DACH1: variants seen among roughly 807,000 people sequenced by gnomAD.
DACH1 encodes the protein dachshund family transcription factor 1, also known as dachshund homolog 1.
Under a neutral mutation model 54.2 loss-of-function variants are expected in DACH1, and 12 were observed. That is an observed-to-expected ratio of 0.22 (90% CI 0.14 to 0.36). The LOEUF (loss-of-function observed/expected upper bound fraction) is 0.36, where lower values mean the gene tolerates loss of function less well. DACH1 is among the 10% of genes least tolerant of loss of function. The pLI, the probability that DACH1 is intolerant of heterozygous loss-of-function variation, is 1.00. For synonymous variants in DACH1, 386 were observed against 366.2 expected (o/e 1.05, Z -0.62); for missense variants, 805 against 929.8 (o/e 0.87, Z 1.75).
Position 71,503,621 on chromosome 13 carries a change from A to G in DACH1, c.1571-14473T>C, listed in dbSNP as rs1383856851. Among the ~76,000 whole-genome samples, 4 of 152,362 alleles carry G rather than the reference A, an allele frequency of 2.6e-5. No individual in the cohort carries two copies. The East Asian group carries it at 7.7e-4, about 29-fold the overall frequency. On this transcript the variant is annotated intron_variant, in intron 6 of 10. Transcript: ENST00000613252. ...ACATTTGTGGCTGCCCTGTGCAGCAAAAGAGACTAAGTAAATGCATATAAC... is the reference window on the plus strand; with the variant it reads ...ACATTTGTGGCTGCCCTGTGCAGCAGAAGAGACTAAGTAAATGCATATAAC...
intron 6 of DACH1, among the ~76,000 whole-genome samples, chr13:71,489,874 C>T (rs2138205353): frequency 6.6e-6 from 1 of 151,960 alleles, no homozygotes; most frequent in East Asian, 1.9e-4. Context: ...TTTAAAAATC[C>T]CTTCAAAATA....
chr13:71,465,154 TC>T (rs1336746378), intron 10 of DACH1, among the ~76,000 whole-genome samples: 2 of 152,098 alleles, frequency 1.3e-5, no homozygotes, highest in African/African-American at 4.8e-5. Context: ...TATGTTTTTT[TC>T]TAAAGAAGAA....
intron 6 of DACH1, among the ~76,000 whole-genome samples, chr13:71,523,611 T>C (rs1881753257): frequency 6.6e-6 from 1 of 152,038 alleles, no homozygotes; most frequent in African/African-American, 2.4e-5. Context: ...GACACCCTCT[T>C]CCAAGTGATT....
At chr13:71,546,179 T>A (rs1482003215) in intron 6 of DACH1, among the ~76,000 whole-genome samples, 1 of 152,064 alleles carries the variant, frequency 6.6e-6, no homozygotes, top group Non-Finnish European at 1.5e-5. Context: ...AATCATCCTA[T>A]CAACTGTTTC....
intron 4 of DACH1, among the ~76,000 whole-genome samples, chr13:71,561,695 C>G (rs528074536): frequency 6.6e-6 from 1 of 152,188 alleles, no homozygotes; most frequent in Admixed American, 6.5e-5. Context: ...ATCTAATACA[C>G]TAGGTCTAAA....
intron 6 of DACH1, among the ~76,000 whole-genome samples, chr13:71,489,873 C>A (rs1488639502): frequency 6.6e-6 from 1 of 151,972 alleles, no homozygotes; most frequent in Non-Finnish European, 1.5e-5. Context: ...ATTTAAAAAT[C>A]CCTTCAAAAT....
At chr13:71,519,073 G>C (rs1881375439) in intron 6 of DACH1, among the ~76,000 whole-genome samples, 1 of 151,744 alleles carries the variant, frequency 6.6e-6, no homozygotes, top group Non-Finnish European at 1.5e-5. Context: ...CAGAAATTAT[G>C]TGTCCAATAA....
chr13:71,715,782 T>TA (rs912839233), intron 1 of DACH1, among the ~76,000 whole-genome samples: 14 of 150,680 alleles, frequency 9.3e-5, no homozygotes, highest in East Asian at 5.8e-4. Context: ...TTGTTTCTCC[T>TA]AAAAAAAAAT....
chr13:71,833,553 T>C (rs1238631226), intron 1 of DACH1, among the ~76,000 whole-genome samples: 1 of 151,994 alleles, frequency 6.6e-6, no homozygotes, highest in African/African-American at 2.4e-5. Context: ...AGTGATAATG[T>C]TGGAACTTAA....
chr13:71,619,387 G>T (rs190972002), intron 3 of DACH1, among the ~76,000 whole-genome samples: 2 of 151,924 alleles, frequency 1.3e-5, no homozygotes, highest in Admixed American at 1.3e-4. Context: ...ATTAGTAAAA[G>T]CAAAAAGCAA....
chr13:71,614,544 A>G (rs1875607482), intron 3 of DACH1, among the ~76,000 whole-genome samples: 1 of 152,186 alleles, frequency 6.6e-6, no homozygotes, highest in Admixed American at 6.5e-5. Flanking sequence ...GACATCATTA[A>G]TATAAAAATG....
chr13:71,693,891 G>T (rs377698437), intron 1 of DACH1, among the ~76,000 whole-genome samples: 7 of 151,970 alleles, frequency 4.6e-5, no homozygotes, highest in African/African-American at 1.7e-4. Flanking sequence ...AACCATGGGG[G>T]GTCTTGGAAC....
chr13:71,720,621 T>C (rs1883190143), intron 1 of DACH1, among the ~76,000 whole-genome samples: 1 of 152,200 alleles, frequency 6.6e-6, no homozygotes, highest in Non-Finnish European at 1.5e-5. Flanking sequence ...TTTAATGAAA[T>C]ATGAATCCTT....
chr13:71,656,710 C>T (rs1879110806), intron 2 of DACH1, among the ~76,000 whole-genome samples: 1 of 151,174 alleles, frequency 6.6e-6, no homozygotes, highest in Non-Finnish European at 1.5e-5. Context: ...AATCAAAACA[C>T]TGTTATATCT....
At chr13:71,804,328 A>G (rs957830499) in intron 1 of DACH1, among the ~76,000 whole-genome samples, 3 of 152,082 alleles carry the variant, frequency 2.0e-5, no homozygotes, top group African/African-American at 7.2e-5. Context: ...AGAAATACAT[A>G]ATACATGCTA....
At chr13:71,454,363 C>T (rs1373136119) in intron 10 of DACH1, among the ~76,000 whole-genome samples, 2 of 152,092 alleles carry the variant, frequency 1.3e-5, no homozygotes, top group African/African-American at 2.4e-5. Flanking sequence ...TCAGCAATGC[C>T]CCCTGCCTCC....
intron 1 of DACH1, among the ~76,000 whole-genome samples, chr13:71,746,614 A>G (rs558925297): frequency 6.6e-6 from 1 of 152,266 alleles, no homozygotes; most frequent in African/African-American, 2.4e-5. Context: ...CAGTGTTAGC[A>G]TCTCTGATAA....
chr13:71,627,003 A>G (rs1876691904), intron 3 of DACH1, among the ~76,000 whole-genome samples: 1 of 151,968 alleles, frequency 6.6e-6, no homozygotes, highest in Non-Finnish European at 1.5e-5. Context: ...CGACATGGCC[A>G]TATATTTTAC....
At chr13:71,707,530 G>A (rs79584638) in intron 1 of DACH1, among the ~76,000 whole-genome samples, 2,994 of 152,202 alleles carry the variant, frequency 0.02, 78 homozygotes, top group African/African-American at 0.056. Flanking sequence ...AAGAAAGTAA[G>A]GAGAGGCAAA....
Sources: gnomAD v4.1 joint callset for allele counts (sites outside exome capture counted in the v4.1 genomes callset) on GRCh38, gnomAD v4.1.1 for gene constraint, MANE v1.5 for transcripts, NCBI Gene and HGNC (gene_info 2026-07-23, HGNC 2026-07-21) for gene names.